TBCD: variants seen among roughly 807,000 people sequenced by gnomAD.
TBCD encodes tubulin folding cofactor D.
In TBCD, 105 loss-of-function variants were observed where a neutral mutation model predicts 169.3. The ratio of observed to expected loss-of-function variants is 0.62; its 90% CI spans 0.53 to 0.73. TBCD has a LOEUF of 0.73. TBCD is among the 30% of genes least tolerant of loss of function. TBCD has a pLI of 0.00. For synonymous variants in TBCD, 700 were observed against 643.9 expected (o/e 1.09, Z -1.32); for missense variants, 1,444 against 1,600.1 (o/e 0.90, Z 1.66).
intron 1 of TBCD, 143 bp from the exon 2 acceptor site, chr17:82,756,022 A>G (rs2047383655): frequency 2.8e-6 from 2 of 725,410 alleles, no homozygotes; most frequent in Non-Finnish European, 4.7e-6. Context: ...GGCCTCCTTT[A>G]GTGAGAGGGG....
intron 8 of TBCD, among the ~76,000 whole-genome samples, chr17:82,800,639 T>C (rs2050443534): frequency 6.6e-6 from 1 of 152,154 alleles, no homozygotes; most frequent in Non-Finnish European, 1.5e-5. Flanking sequence ...CCCTGCCCTC[T>C]GAGTACTTGC....
At position 82,930,984 on chromosome 17, in the gene TBCD, C is replaced by T. The variant is rs546563725; in HGVS notation, c.3113+341C>T. The stretch of plus-strand genomic sequence containing the variant: ...TCCTCCAGCTTGGTGCTCCCACGGA[C>T]GTGCTTGCGGACGCTCATCAGCCAC... On this transcript the variant is annotated intron_variant, in intron 33 of 38. Coordinates refer to ENST00000355528, the MANE Select transcript of TBCD (RefSeq NM_005993.5). The surrounding 1 kb of genome is among the most constrained non-coding windows in gnomAD (Gnocchi z 5.2). Among the ~76,000 whole-genome samples, 8 of 152,346 alleles carry T rather than the reference C, an allele frequency of 5.3e-5. No homozygotes were observed. Among genetic ancestry groups the T allele is most frequent in the African/African-American group, 1.4e-4 (6 of 41,592 alleles).
At chr17:82,905,077 G>A (rs766160700) in intron 19 of TBCD, among the ~76,000 whole-genome samples, 7 of 152,182 alleles carry the variant, frequency 4.6e-5, no homozygotes, top group Non-Finnish European at 7.4e-5. Flanking sequence ...TGGCAGAGCC[G>A]CCTCCCTCTG....
intron 9 of TBCD, among the ~76,000 whole-genome samples, chr17:82,801,634 G>A (rs554552766): frequency 7.3e-5 from 7 of 96,512 alleles, no homozygotes; most frequent in Non-Finnish European, 1.4e-4. Context: ...CAGAGTCAGC[G>A]TGGCAGGAGG....
intron 34 of TBCD, among the ~76,000 whole-genome samples, chr17:82,933,339 A>G (rs2062369890): frequency 6.8e-6 from 1 of 148,002 alleles, no homozygotes; most frequent in African/African-American, 2.5e-5. Flanking sequence ...CAGTGGCACA[A>G]TCACAGCTCA....
chr17:82,889,650 T>C lies in TBCD; in HGVS notation c.1534-18T>C, dbSNP rs748060210. On this transcript the variant is annotated intron_variant, in intron 15 of 38. Coordinates refer to ENST00000355528, the MANE Select transcript of TBCD (RefSeq NM_005993.5). The surrounding 1 kb of genome is among the most constrained non-coding windows in gnomAD (Gnocchi z 5.3). Reference sequence around the variant, plus strand: ...AGCTGACCTCGCTCACCTGCTGTGTTTGTTCTTTGCTCCGCAGGCCGCCTT... The same window carrying C: ...AGCTGACCTCGCTCACCTGCTGTGTCTGTTCTTTGCTCCGCAGGCCGCCTT... 11 of 1,613,952 alleles carry C rather than the reference T, an allele frequency of 6.8e-6. No homozygotes were observed. The South Asian group carries it at 1.2e-4, about 18-fold the overall frequency.
intron 13 of TBCD, among the ~76,000 whole-genome samples, chr17:82,822,459 G>T (rs1039488000): frequency 6.6e-6 from 1 of 152,232 alleles, no homozygotes; most frequent in Non-Finnish European, 1.5e-5. Context: ...ATGGACTCCT[G>T]ACCGCAGCAT....
intron 13 of TBCD, among the ~76,000 whole-genome samples, chr17:82,844,551 C>T (rs984003621): frequency 2.6e-5 from 4 of 152,090 alleles, no homozygotes; most frequent in Admixed American, 6.5e-5. Context: ...TCTGAGTTGC[C>T]TCCCTCCAGG....
intron 13 of TBCD, among the ~76,000 whole-genome samples, chr17:82,854,482 C>T (rs1441276886): frequency 3.9e-5 from 6 of 152,240 alleles, no homozygotes; most frequent in African/African-American, 1.2e-4. Flanking sequence ...CGTGTGTTTG[C>T]GTATCCTCTG....
intron 15 of TBCD, among the ~76,000 whole-genome samples, chr17:82,888,861 C>T (rs1239292130): frequency 6.6e-6 from 1 of 152,226 alleles, no homozygotes; most frequent in Non-Finnish European, 1.5e-5. Context: ...GAGCGTGGTC[C>T]CTGAAGCCGC....
chr17:82,832,049 A>T lies in TBCD; in HGVS notation c.1318+17115A>T. The T allele has an allele frequency of 1.2e-6, 2 of 1,613,794 alleles. No individual in the cohort carries two copies. Among genetic ancestry groups the T allele is most frequent in the Non-Finnish European group, 1.7e-6 (2 of 1,179,736 alleles). On this transcript the variant is annotated intron_variant, in intron 13 of 38. Coordinates refer to ENST00000355528, the MANE Select transcript of TBCD (RefSeq NM_005993.5). The surrounding 1 kb of genome is among the most constrained non-coding windows in gnomAD (Gnocchi z 4.9). ...TCCGGAGCTGGGCTCTTGCAGGGTG[A>T]TGCCCTGTGGAGGGCTGGCTTCTGT... is the stretch of plus-strand genomic sequence containing the variant.
chr17:82,869,184 TCTC>T (rs1173437760), intron 13 of TBCD, among the ~76,000 whole-genome samples: 2 of 152,218 alleles, frequency 1.3e-5, no homozygotes, highest in Non-Finnish European at 2.9e-5. Flanking sequence ...CAGCAGTTGA[TCTC>T]AAGTATTTAT....
chr17:82,827,960 C>A lies in TBCD; in HGVS notation c.1318+13026C>A, dbSNP rs527507799. Among the ~76,000 whole-genome samples, 58 of 149,960 alleles carry A rather than the reference C, an allele frequency of 3.9e-4. No homozygotes were observed. In the South Asian group the frequency reaches 0.012, roughly 31 times the overall value. On this transcript the variant is annotated intron_variant, in intron 13 of 38. Coordinates refer to ENST00000355528, the MANE Select transcript of TBCD (RefSeq NM_005993.5). ...ACACCCACACGATTGAATGTGCATA[C>A]ACTCACAGATACGCACACATGCACA... is the stretch of plus-strand genomic sequence containing the variant.
intron 35 of TBCD, 38 bp from the exon 36 acceptor site, chr17:82,938,011 G>C: frequency 6.2e-7 from 1 of 1,610,162 alleles, no homozygotes; most frequent in Middle Eastern, 1.7e-4. Flanking sequence ...GCCTGCGCGG[G>C]GTGGGGCTCA....
intron 35 of TBCD, 120 bp from the exon 36 acceptor site, chr17:82,937,929 C>A (rs759968941): frequency 6.5e-7 from 1 of 1,540,526 alleles, no homozygotes; most frequent in Admixed American, 1.9e-5. Flanking sequence ...GCCCCAGGCC[C>A]GCACTGTGCT....
intron 13 of TBCD, among the ~76,000 whole-genome samples, chr17:82,859,030 C>T (rs2056544574): frequency 6.6e-6 from 1 of 152,252 alleles, no homozygotes; most frequent in Non-Finnish European, 1.5e-5. Context: ...TTGCTCGGGG[C>T]CCCGAGAGGC....
Position 82,938,143 on chromosome 17 carries a change from G to T in TBCD, c.3369+7G>T, listed in dbSNP as rs748715235. On this transcript the variant is annotated splice_region_variant and intron_variant, in intron 36 of 38. Transcript: ENST00000355528. The stretch of plus-strand genomic sequence containing the variant: ...CTGCCACCGTTTCCCGCTGGTGAGT[G>T]CCTGCCCCTGCTCACGTGTGTTTGC... The T allele has an allele frequency of 2.5e-6, 4 of 1,610,710 alleles. No homozygotes were observed. The South Asian group carries it at 4.4e-5, about 18-fold the overall frequency.
chr17:82,903,523 G>T lies in TBCD; in HGVS notation c.1804+45G>T. On this transcript the variant is annotated intron_variant, in intron 19 of 38. Transcript: ENST00000355528. This position sits in a 1 kb window ranked among gnomAD's most constrained non-coding sequence, Gnocchi z 4.8. Reference sequence around the variant, plus strand: ...GGCCTGCGGGCACCATGCATGCACTGCAGAAAGGCCTGGGTTGCTGGTTTC... The same window carrying T: ...GGCCTGCGGGCACCATGCATGCACTTCAGAAAGGCCTGGGTTGCTGGTTTC... 1 of 1,541,216 alleles carries T rather than the reference G, an allele frequency of 6.5e-7. No homozygotes were observed. The highest frequency in any genetic ancestry group is 1.2e-5 in the South Asian group (1 of 83,988).
Position 82,830,344 on chromosome 17 carries a change from G to C in TBCD, c.1318+15410G>C, listed in dbSNP as rs61729341. ...TTGCCGGCAGGCAGGTTCCGGGGCC[G>C]CAGCATCCCCATCGCCCACCCGGAT... On this transcript the variant is annotated intron_variant, in intron 13 of 38. Transcript: ENST00000355528. 2.7e-4 allele frequency: 440 copies of C among 1,613,688 alleles called. 1 individual carries two copies. In the Middle Eastern group the frequency reaches 3.6e-3, roughly 13 times the overall value.
Sources: gnomAD v4.1 joint callset for allele counts (sites outside exome capture counted in the v4.1 genomes callset) on GRCh38, gnomAD v4.1.1 for gene constraint, Gnocchi (gnomAD v3.1) non-coding constraint, MANE v1.5 for transcripts, NCBI Gene and HGNC (gene_info 2026-07-23, HGNC 2026-07-21) for gene names.